Variants in CTIF observed in about 807,000 individuals in gnomAD.
CTIF encodes cap binding complex dependent translation initiation factor, also known as CBP80/20-dependent translation initiation factor.
A neutral mutation model predicts 66.0 loss-of-function variants in CTIF; 21 were observed. The observed-to-expected ratio is 0.32, with a 90% CI of 0.23 to 0.46. The LOEUF (loss-of-function observed/expected upper bound fraction) is 0.46. Among genes scored for constraint, CTIF ranks in the 20% least tolerant of loss-of-function variants. The pLI, the probability that CTIF is intolerant of heterozygous loss-of-function variation, is 1.00. For missense variants in CTIF, 739 were observed against 812.7 expected, an observed-to-expected ratio of 0.91 and a Z score of 1.10; for synonymous variants, 345 against 326.4, an observed-to-expected ratio of 1.06 and a Z score of -0.62.
intron 1 of CTIF, among the ~76,000 whole-genome samples, chr18:48,579,688 C>T (rs75581719): frequency 0.025 from 3,851 of 152,230 alleles, 156 homozygotes; most frequent in African/African-American, 0.088. Context: ...GACCCTAACT[C>T]CCAGGTCCCT....
intron 9 of CTIF, among the ~76,000 whole-genome samples, chr18:48,810,730 T>G (rs575509852): frequency 6.6e-6 from 1 of 151,780 alleles, no homozygotes; most frequent in South Asian, 2.1e-4. Flanking sequence ...TTTTTTTTTC[T>G]TATGTTTCAA....
intron 7 of CTIF, among the ~76,000 whole-genome samples, chr18:48,723,035 AT>A (rs2092355153): frequency 6.6e-6 from 1 of 152,168 alleles, no homozygotes; most frequent in Non-Finnish European, 1.5e-5. Flanking sequence ...AGGAGATGCT[AT>A]TTTTATTTCC....
intron 3 of CTIF, among the ~76,000 whole-genome samples, chr18:48,637,503 C>T (rs896207565): frequency 8.5e-5 from 13 of 152,164 alleles, no homozygotes; most frequent in African/African-American, 2.9e-4. Context: ...CAGGCTCCTG[C>T]GAGGGGCCAT....
At chr18:48,668,444 G>C (rs150544650) in intron 5 of CTIF, among the ~76,000 whole-genome samples, 1,943 of 152,334 alleles carry the variant, frequency 0.013, 24 homozygotes, top group Non-Finnish European at 0.016. Flanking sequence ...GATGAGTTAA[G>C]AGATGTTTGG....
chr18:48,690,146 C>A (rs111611067), intron 6 of CTIF, among the ~76,000 whole-genome samples: 3,114 of 152,226 alleles, frequency 0.02, 32 homozygotes, highest in Middle Eastern at 0.048. Flanking sequence ...GTGACACTCT[C>A]TCCCCCATCT....
chr18:48,805,289 G>A (rs1421034831), intron 9 of CTIF, among the ~76,000 whole-genome samples: 1 of 152,178 alleles, frequency 6.6e-6, no homozygotes, highest in African/African-American at 2.4e-5. Context: ...GATGATGACT[G>A]GGGTGAGAAA....
At chr18:48,734,097 G>T (rs1205780042) in intron 7 of CTIF, among the ~76,000 whole-genome samples, 2 of 152,230 alleles carry the variant, frequency 1.3e-5, no homozygotes, top group Non-Finnish European at 2.9e-5. Flanking sequence ...GTGAGCCGTG[G>T]CTCAAACCCA....
chr18:48,808,764 T>C (rs1234114662), intron 9 of CTIF, among the ~76,000 whole-genome samples: 2 of 152,374 alleles, frequency 1.3e-5, no homozygotes, highest in East Asian at 3.9e-4. Flanking sequence ...GGATGTCAGC[T>C]CTACAGCCTC....
intron 10 of CTIF, among the ~76,000 whole-genome samples, chr18:48,840,423 A>C (rs1230913540): frequency 6.6e-6 from 1 of 152,224 alleles, no homozygotes; most frequent in Non-Finnish European, 1.5e-5. Context: ...TCACATGCTC[A>C]TTCATCCAAA....
At position 48,724,922 on chromosome 18, in the gene CTIF, C is replaced by CT. The variant is rs796891184; in HGVS notation, c.584+13230dup. ...CCCTTGTGTTGGCTTTGAACTCTGT[C>CT]TTTCAGCTTCAAGGGGAGGATTTGG... On this transcript the variant is annotated intron_variant, in intron 7 of 11. Transcript: ENST00000256413. Among the ~76,000 whole-genome samples the CT allele has an allele frequency of 1.6e-3, 245 of 152,358 alleles. 1 individual carries two copies. The highest frequency in any genetic ancestry group is 5.8e-3 in the African/African-American group (240 of 41,582).
intron 3 of CTIF, among the ~76,000 whole-genome samples, chr18:48,646,562 C>T (rs1365635445): frequency 1.3e-5 from 2 of 151,644 alleles, no homozygotes; most frequent in East Asian, 1.9e-4. Context: ...GCCTGGGCAA[C>T]ATGGTGAAAC....
intron 1 of CTIF, among the ~76,000 whole-genome samples, chr18:48,542,709 T>A (rs904453878): frequency 6.6e-6 from 1 of 152,212 alleles, no homozygotes; most frequent in African/African-American, 2.4e-5. Context: ...GTTTCACATA[T>A]GTTGGTTTCA....
At chr18:48,800,981 C>T (rs1321474214) in intron 9 of CTIF, among the ~76,000 whole-genome samples, 1 of 152,248 alleles carries the variant, frequency 6.6e-6, no homozygotes, top group East Asian at 1.9e-4. Context: ...GCCCACTCAA[C>T]TGCCCTTCAC....
rs1015230567 is a variant in CTIF, at chr18:48,806,400, C to G, written c.1372-10821C>G. Reference sequence around the variant, plus strand: ...CCTGCTAGCAGTAAATAAAAGTGCACTTTCTCCTCCCCACTGGAGAGATGG... The same window carrying G: ...CCTGCTAGCAGTAAATAAAAGTGCAGTTTCTCCTCCCCACTGGAGAGATGG... On this transcript the variant is annotated intron_variant, in intron 9 of 11. Transcript: ENST00000256413. Among the ~76,000 whole-genome samples the G allele has an allele frequency of 3.9e-5, 6 of 152,268 alleles. No homozygotes were observed. The South Asian group carries it at 6.2e-4, about 16-fold the overall frequency.
chr18:48,596,766 GCA>G (rs2089994729), intron 1 of CTIF, among the ~76,000 whole-genome samples: 1 of 152,104 alleles, frequency 6.6e-6, no homozygotes, highest in African/African-American at 2.4e-5. Context: ...GTGAGCCACC[GCA>G]CATGTCTGGA....
intron 1 of CTIF, among the ~76,000 whole-genome samples, chr18:48,580,474 C>T (rs1465614719): frequency 6.6e-6 from 1 of 152,174 alleles, no homozygotes; most frequent in South Asian, 2.1e-4. Context: ...GCCAACCACC[C>T]GCCTTCAGTG....
chr18:48,758,426 G>A (rs1487699279), intron 8 of CTIF, 21 bp downstream of exon 8: 2 of 1,560,740 alleles, frequency 1.3e-6, no homozygotes, highest in Non-Finnish European at 1.7e-6. Context: ...TTGAATTTTT[G>A]TTCTTCTCTT....
chr18:48,681,465 C>G (rs2091741030), intron 6 of CTIF, among the ~76,000 whole-genome samples: 1 of 152,208 alleles, frequency 6.6e-6, no homozygotes, highest in Admixed American at 6.5e-5. Flanking sequence ...CGTAGCCTGC[C>G]AGGGCTGGAA....
intron 6 of CTIF, among the ~76,000 whole-genome samples, chr18:48,710,861 A>G (rs2092215329): frequency 1.3e-5 from 2 of 152,196 alleles, no homozygotes; most frequent in South Asian, 2.1e-4. Context: ...GATACTGGCT[A>G]CACGGGAGGC....
Sources: gnomAD v4.1 joint callset for allele counts (sites outside exome capture counted in the v4.1 genomes callset) on GRCh38, gnomAD v4.1.1 for gene constraint, MANE v1.5 for transcripts, NCBI Gene and HGNC (gene_info 2026-07-23, HGNC 2026-07-21) for gene names.